The following FNBP1 variants were observed in gnomAD, a reference collection of about 807,000 sequenced individuals.
FNBP1 encodes formin-binding protein 1.
A neutral mutation model predicts 90.6 loss-of-function variants in FNBP1; 26 were observed. The ratio of observed to expected loss-of-function variants is 0.29; its 90% CI spans 0.21 to 0.40. FNBP1 has a LOEUF of 0.40. Among genes scored for constraint, FNBP1 ranks in the 10% least tolerant of loss-of-function variants. The pLI is 1.00. For missense variants in FNBP1, 635 were observed against 768.0 expected, an observed-to-expected ratio of 0.83 and a Z score of 2.05; for synonymous variants, 260 against 265.2, an observed-to-expected ratio of 0.98 and a Z score of 0.19.
In FNBP1 at chr9:129,927,303, C is replaced by A. The variant is rs368874283; in HGVS notation, c.681G>T (p.Met227Ile). 8.7e-6 allele frequency: 14 copies of A among 1,613,144 alleles called. No homozygotes were observed. The highest frequency in any genetic ancestry group is 1.2e-5 in the Non-Finnish European group (14 of 1,179,406). Residue 227 changes from methionine (M) to isoleucine (I), a missense_variant, in exon 8 of 17, where the codon ATG (methionine) becomes ATT (isoleucine). Transcript: ENST00000446176. ...QEMEERRIVR[M>I]GESMKTYAEV... The stretch of plus-strand genomic sequence containing the variant: ...CTGCATATGTCTTCATGGACTCTCC[C>A]ATTCTCACAATCCTCCTTTCCTCCA...
intron 4 of FNBP1, among the ~76,000 whole-genome samples, chr9:129,974,503 A>G (rs919487873): frequency 1.3e-5 from 2 of 152,252 alleles, no homozygotes; most frequent in African/African-American, 4.8e-5. Flanking sequence ...TACAGTGGTT[A>G]GTATACCATA....
chr9:129,929,497 T>A, intron 7 of FNBP1, 70 bp downstream of exon 7: 1 of 1,432,218 alleles, frequency 7.0e-7, no homozygotes. Flanking sequence ...GCAATCACGA[T>A]TCAGAAGTGT....
chr9:129,907,030 C>A (rs7872383), intron 12 of FNBP1, among the ~76,000 whole-genome samples: 3 of 151,756 alleles, frequency 2.0e-5, no homozygotes, highest in Non-Finnish European at 2.9e-5. Context: ...CGCCCGCCTC[C>A]GCCTCCCAAA....
In FNBP1 at chr9:129,958,437, A is replaced by C. The variant is rs1163180999; in HGVS notation, c.408+54T>G. ...ACAGAGGGAGCCTCCGTCTCAAAAA[A>C]AAAGAAAAAAAAATCTATAAAGCCG... is the stretch of plus-strand genomic sequence containing the variant. On this transcript the variant is annotated intron_variant, in intron 5 of 16. Transcript: ENST00000446176. 5.2e-6 allele frequency: 7 copies of C among 1,342,706 alleles called. No homozygotes were observed. The East Asian group carries it at 1.9e-4, about 37-fold the overall frequency. 83.2% of individuals were successfully genotyped at this position (1,342,706 alleles called of 1,614,324 possible).
At chr9:129,941,539 C>T (rs181420635) in intron 6 of FNBP1, among the ~76,000 whole-genome samples, 92 of 152,224 alleles carry the variant, frequency 6.0e-4, no homozygotes, top group African/African-American at 1.7e-3. Context: ...GATCACAGCC[C>T]GCTGCAGCCT....
chr9:130,043,580 C>A (rs1195639137), upstream of FNBP1, among the ~76,000 whole-genome samples: 1 of 152,252 alleles, frequency 6.6e-6, no homozygotes, highest in Non-Finnish European at 1.5e-5. Context: ...GGCAGCCATG[C>A]GCGCCGAGCA....
intron 6 of FNBP1, among the ~76,000 whole-genome samples, chr9:129,941,359 A>G (rs2044298870): frequency 6.6e-6 from 1 of 152,208 alleles, no homozygotes; most frequent in Admixed American, 6.5e-5. Context: ...ATTGCACTCC[A>G]GCCTGGGCAA....
chr9:129,911,608 G>A lies in FNBP1; in HGVS notation c.1186-2609C>T, dbSNP rs866949725. Among the ~76,000 whole-genome samples, 8 of 152,254 alleles carry A rather than the reference G, an allele frequency of 5.3e-5. No individual in the cohort carries two copies. In the Middle Eastern group the frequency reaches 0.01, roughly 194 times the overall value. ...CCTTGCCCTAAGCATCTCTTCATCTGTATTTTTAATAATATCCTTTGTAAT... is the reference window on the plus strand; with the variant it reads ...CCTTGCCCTAAGCATCTCTTCATCTATATTTTTAATAATATCCTTTGTAAT... On this transcript the variant is annotated intron_variant, in intron 11 of 16. Transcript: ENST00000446176.
At chr9:129,914,988 T>C in intron 11 of FNBP1, 1 of 379,042 alleles carries the variant, frequency 2.6e-6, no homozygotes, top group Admixed American at 3.1e-5. Flanking sequence ...TTAATAAATT[T>C]AATGATTAGT....
chr9:129,999,576 G>A (rs1209737056), intron 1 of FNBP1, among the ~76,000 whole-genome samples: 2 of 151,460 alleles, frequency 1.3e-5, no homozygotes, highest in Non-Finnish European at 2.9e-5. Context: ...CCAGCCTGGG[G>A]CGACAGAGTG....
At position 130,042,982 on chromosome 9, in the gene FNBP1, G is replaced by C; in HGVS notation, c.-7C>G. ...GCTCGGTGCCCCAGCTCATGGTGCA[G>C]GGGACGCGAAGGGGCGCTCCGCGCG... On this transcript the variant is annotated 5_prime_UTR_variant, in exon 1 of 17. Coordinates refer to ENST00000446176, the MANE Select transcript of FNBP1 (RefSeq NM_015033.3). This position sits in a 1 kb window ranked among gnomAD's most constrained non-coding sequence, Gnocchi z 5.5. 8.2e-7 allele frequency: 1 copy of C among 1,225,638 alleles called. No individual in the cohort carries two copies. Among genetic ancestry groups the C allele is most frequent in the Non-Finnish European group, 1.0e-6 (1 of 983,788 alleles). 75.9% of individuals were successfully genotyped at this position (1,225,638 alleles called of 1,614,324 possible).
At chr9:129,902,734 A>G (rs2037193023) in intron 13 of FNBP1, 135 bp downstream of exon 13, 7 of 798,120 alleles carry the variant, frequency 8.8e-6, no homozygotes, top group Non-Finnish European at 1.4e-5. Context: ...TCCTTTGACC[A>G]TAACTCCTGA....
chr9:129,937,348 G>A (rs1387100857), intron 6 of FNBP1, among the ~76,000 whole-genome samples: 2 of 152,132 alleles, frequency 1.3e-5, no homozygotes, highest in Non-Finnish European at 2.9e-5. Context: ...TAAATATTAT[G>A]TCACACTTTT....
upstream of FNBP1, among the ~76,000 whole-genome samples, chr9:130,044,158 G>GC (rs1418425922): frequency 6.6e-6 from 1 of 152,180 alleles, no homozygotes; most frequent in East Asian, 1.9e-4. Context: ...TGAATCACTA[G>GC]CCCTTTCCCC....
intron 2 of FNBP1, among the ~76,000 whole-genome samples, chr9:129,989,252 C>G (rs1169380194): frequency 6.6e-6 from 1 of 152,198 alleles, no homozygotes; most frequent in African/African-American, 2.4e-5. Flanking sequence ...AATTTGCATG[C>G]AGTTCTGTTT....
intron 1 of FNBP1, among the ~76,000 whole-genome samples, chr9:130,020,455 C>A (rs370493084): frequency 3.1e-4 from 47 of 152,102 alleles, no homozygotes; most frequent in African/African-American, 1.1e-3. Context: ...AGTGATCCAC[C>A]CGCCTTGGCC....
Position 130,021,240 on chromosome 9 carries a change from G to A in FNBP1, c.24+21712C>T, listed in dbSNP as rs530672885. On this transcript the variant is annotated intron_variant, in intron 1 of 16. Transcript: ENST00000446176. ...TCTATTTTTTGTGGCACCTAAATCA[G>A]TGCCTGGCACAATACATGTTTGTGG... Among the ~76,000 whole-genome samples the A allele has an allele frequency of 2.2e-3, 335 of 152,232 alleles. 1 individual carries two copies. The highest frequency in any genetic ancestry group is 3.2e-3 in the Non-Finnish European group (215 of 68,008).
At chr9:129,948,356 C>CTTTTTTTTTTTTTTTTTTTTTTTTTT (rs71385491) in intron 6 of FNBP1, among the ~76,000 whole-genome samples, 2 of 64,430 alleles carry the variant, frequency 3.1e-5, no homozygotes, top group Non-Finnish European at 5.2e-5. Context: ...ATTTTGGTGT[C>CTTTTTTTTTTTTTTTTTTTTTTTTTT]TTTTTTTTTT....
rs2058812325 is a variant in FNBP1 at position 130,031,674 on chromosome 9, T to G, written c.24+11278A>C. 6.6e-6 allele frequency among the ~76,000 whole-genome samples: 1 copy of G among 152,084 alleles called. No homozygotes were observed. Among genetic ancestry groups the G allele is most frequent in the Non-Finnish European group, 1.5e-5 (1 of 68,036 alleles). ...TAATTTCTTTCTTTCTTTCTTTCTT[T>G]TTTTTGACAGGGAGTCTCGCTCTGT... On this transcript the variant is annotated intron_variant, in intron 1 of 16. Transcript: ENST00000446176. The surrounding 1 kb of genome is among the most constrained non-coding windows in gnomAD (Gnocchi z 4.2).
Sources: gnomAD v4.1 joint callset for allele counts (sites outside exome capture counted in the v4.1 genomes callset) on GRCh38, gnomAD v4.1.1 for gene constraint, Gnocchi (gnomAD v3.1) non-coding constraint, MANE v1.5 for transcripts, NCBI Gene and HGNC (gene_info 2026-07-23, HGNC 2026-07-21) for gene names.